The following GOLGA8B variants were observed in gnomAD, a reference collection of about 807,000 sequenced individuals.
GOLGA8B encodes golgin subfamily A member 8B.
GOLGA8B carries 1 observed loss-of-function variant against 15.6 expected under a neutral mutation model. The observed-to-expected ratio is 0.06, with a 90% confidence interval of 0.02 to 0.30. The LOEUF (loss-of-function observed/expected upper bound fraction) is 0.30, where lower values mean the gene tolerates loss of function less well. GOLGA8B is among the 10% of genes least tolerant of loss of function. The pLI is 1.00. For missense variants in GOLGA8B, 17 were observed against 201.3 expected (o/e 0.08, Z 5.54); for synonymous variants, 9 against 80.3 (o/e 0.11, Z 4.75).
intron 1 of GOLGA8B, among the ~76,000 whole-genome samples, chr15:34,573,163 T>C (rs1313250481): frequency 6.6e-6 from 1 of 152,174 alleles, no homozygotes; most frequent in African/African-American, 2.4e-5. Flanking sequence ...CCCTCAGACC[T>C]TGACCTACCC....
chr15:34,554,267 G>T (rs1278770424), intron 1 of GOLGA8B, among the ~76,000 whole-genome samples: 2 of 152,280 alleles, frequency 1.3e-5, no homozygotes, highest in Admixed American at 6.5e-5. Context: ...CTCACCCTGA[G>T]CCCTGCCCTG....
chr15:34,552,168 T>C (rs1002522509), intron 3 of GOLGA8B: 4 of 133,258 alleles, frequency 3.0e-5, no homozygotes, highest in Non-Finnish European at 4.9e-5. Flanking sequence ...GATTGGGGAA[T>C]GTGATGTTTC....
intron 1 of GOLGA8B, among the ~76,000 whole-genome samples, chr15:34,573,250 G>A (rs1018555098): frequency 6.6e-6 from 1 of 152,090 alleles, no homozygotes; most frequent in African/African-American, 2.4e-5. Context: ...AAATTCACCA[G>A]AAGTTAGGCC....
Position 34,525,737 on chromosome 15 carries a change from T to C in GOLGA8B, c.*1895A>G, listed in dbSNP as rs1894427140. 6.7e-6 allele frequency: 1 copy of C among 149,684 alleles called. No homozygotes were observed. The highest frequency in any genetic ancestry group is 1.5e-5 in the Non-Finnish European group (1 of 67,236). 9.3% of individuals were successfully genotyped at this position (149,684 alleles called of 1,614,324 possible). A position where few individuals can be genotyped will look rare whatever the true frequency, so the allele number is the denominator to read the frequency against. ...AATTCATACAATTCGGAAGAGTCAG[T>C]TGAAGTCACAAGGACCCAATATCTG... On this transcript the variant is annotated 3_prime_UTR_variant, in exon 24 of 24. Transcript: ENST00000683415.
At chr15:34,554,400 C>A (rs1390267141) in intron 1 of GOLGA8B, among the ~76,000 whole-genome samples, 3 of 149,948 alleles carry the variant, frequency 2.0e-5, no homozygotes, top group Non-Finnish European at 4.5e-5. Flanking sequence ...CTCATACACA[C>A]CACACACATA....
intron 1 of GOLGA8B, among the ~76,000 whole-genome samples, chr15:34,579,631 C>A (rs1188854979): frequency 1.3e-5 from 2 of 152,236 alleles, no homozygotes; most frequent in South Asian, 2.1e-4. Context: ...TACAACTCTG[C>A]AGCTCTTTCC....
chr15:34,574,199 G>C (rs1246996869), intron 1 of GOLGA8B, among the ~76,000 whole-genome samples: 2 of 152,140 alleles, frequency 1.3e-5, no homozygotes, highest in African/African-American at 4.8e-5. Flanking sequence ...CATAATATTA[G>C]ATGTCTGATT....
At position 34,526,638 on chromosome 15, in the gene GOLGA8B, TAAG is replaced by T. The variant is rs1300218369; in HGVS notation, c.*991_*993del. On this transcript the variant is annotated 3_prime_UTR_variant, in exon 24 of 24. Transcript: ENST00000683415. ...GTCTTATGATCTTTACTAAATACAT[TAAG>T]AAGAATGCCAACCAGCGCCCTTTCG... 6.0e-5 allele frequency: 9 copies of T among 149,170 alleles called. No individual in the cohort carries two copies. The highest frequency in any genetic ancestry group is 2.1e-4 in the South Asian group (1 of 4,666). The allele number at this position is 149,170 out of a possible 1,614,324, so 9.2% of individuals were successfully genotyped here. A position where few individuals can be genotyped will look rare whatever the true frequency, so the allele number is the denominator to read the frequency against.
chr15:34,567,393 CCTGT>C (rs139872834), intron 1 of GOLGA8B, among the ~76,000 whole-genome samples: 11,896 of 150,202 alleles, frequency 0.079, 1 homozygote, highest in South Asian at 0.19. Flanking sequence ...CTGTGGCTGG[CCTGT>C]CTGACATTTG....
At chr15:34,567,065 G>A (rs1047367258) in intron 1 of GOLGA8B, among the ~76,000 whole-genome samples, 6 of 120,054 alleles carry the variant, frequency 5.0e-5, no homozygotes, top group African/African-American at 2.0e-4. Flanking sequence ...CAGATTCGGA[G>A]TCACATCTCT....
chr15:34,571,633 C>T (rs1186582293), intron 1 of GOLGA8B, among the ~76,000 whole-genome samples: 1 of 145,812 alleles, frequency 6.9e-6, no homozygotes, highest in African/African-American at 2.5e-5. Flanking sequence ...AAAAAAACTA[C>T]ATCCACAAAT....
At chr15:34,582,362 C>T (rs943784066) in intron 1 of GOLGA8B, among the ~76,000 whole-genome samples, 2 of 152,350 alleles carry the variant, frequency 1.3e-5, no homozygotes, top group Admixed American at 1.3e-4. Flanking sequence ...TCTAAAACCA[C>T]TGTCCTTTCT....
At chr15:34,561,422 A>AG (rs1415311521) in intron 1 of GOLGA8B, among the ~76,000 whole-genome samples, 5 of 145,284 alleles carry the variant, frequency 3.4e-5, no homozygotes, top group Non-Finnish European at 6.1e-5. Context: ...CTGCCCCCAG[A>AG]GGAGACCCTG....
chr15:34,577,904 G>A (rs1472758285), intron 1 of GOLGA8B, among the ~76,000 whole-genome samples: 1 of 152,078 alleles, frequency 6.6e-6, no homozygotes, highest in Non-Finnish European at 1.5e-5. Context: ...GTACAGTTAG[G>A]CTACATTTTT....
At chr15:34,569,670 C>T (rs1293857988) in intron 1 of GOLGA8B, among the ~76,000 whole-genome samples, 1 of 151,682 alleles carries the variant, frequency 6.6e-6, no homozygotes, top group African/African-American at 2.4e-5. Context: ...GCTGTTAACA[C>T]CCTGAACAAA....
At chr15:34,579,068 C>G (rs1889159645) in intron 1 of GOLGA8B, among the ~76,000 whole-genome samples, 2 of 152,034 alleles carry the variant, frequency 1.3e-5, no homozygotes, top group African/African-American at 4.8e-5. Flanking sequence ...TGCCTCAAAA[C>G]AACCACAGGC....
chr15:34,578,732 G>C (rs79250709), intron 1 of GOLGA8B, among the ~76,000 whole-genome samples: 16 of 152,338 alleles, frequency 1.1e-4, no homozygotes, highest in South Asian at 4.1e-4. Context: ...GTTTCGCCAT[G>C]AAAACCATCT....
At position 34,583,647 on chromosome 15, in the gene GOLGA8B, T is replaced by C. The variant is rs1264599101; in HGVS notation, c.-1254A>G. ...CGCGACTGCTAATTAGCCCGGAAGC[T>C]GAATAGCGGCGGGTACATACCGCAA... is the stretch of plus-strand genomic sequence containing the variant. On this transcript the variant is annotated 5_prime_UTR_variant, in exon 1 of 24. Transcript: ENST00000683415. 1.3e-5 allele frequency: 2 copies of C among 152,040 alleles called. No individual in the cohort carries two copies. The allele number at this position is 152,040 out of a possible 1,614,324, so 9.4% of individuals were successfully genotyped here.
At chr15:34,579,881 T>A (rs1204429613) in intron 1 of GOLGA8B, among the ~76,000 whole-genome samples, 1 of 152,222 alleles carries the variant, frequency 6.6e-6, no homozygotes, top group African/African-American at 2.4e-5. Context: ...GTCTTTTACA[T>A]TTGAGTGATA....
Sources: gnomAD v4.1 joint callset for allele counts (sites outside exome capture counted in the v4.1 genomes callset) on GRCh38, gnomAD v4.1.1 for gene constraint, MANE v1.5 for transcripts, NCBI Gene and HGNC (gene_info 2026-07-23, HGNC 2026-07-21) for gene names.